ADGRF3: variants seen among roughly 807,000 people sequenced by gnomAD.
ADGRF3 encodes adhesion G protein-coupled receptor F3.
A neutral mutation model predicts 93.2 loss-of-function variants in ADGRF3; 85 were observed. The ratio of observed to expected loss-of-function variants is 0.91; its 90% CI spans 0.77 to 1.09. The LOEUF (loss-of-function observed/expected upper bound fraction) is 1.09, where lower values mean the gene tolerates loss of function less well. Among genes scored for constraint, ADGRF3 ranks in the 50% least tolerant of loss-of-function variants. ADGRF3 has a pLI of 0.00. For synonymous variants in ADGRF3, 534 were observed against 532.5 expected, an observed-to-expected ratio of 1.00 and a Z score of -0.04; for missense variants, 1,125 against 1,246.2, an observed-to-expected ratio of 0.90 and a Z score of 1.46.
At chr2:26,322,241 C>T (rs1485721019) in intron 1 of ADGRF3, among the ~76,000 whole-genome samples, 1 of 149,372 alleles carries the variant, frequency 6.7e-6, no homozygotes, top group Non-Finnish European at 1.5e-5. Flanking sequence ...GAGATCACTG[C>T]CACTGCACTC....
chr2:26,308,352 C>T lies in ADGRF3; in HGVS notation c.*734G>A, dbSNP rs2147853101. 6.6e-6 allele frequency: 1 copy of T among 152,108 alleles called. No individual in the cohort carries two copies. Among genetic ancestry groups the T allele is most frequent in the Admixed American group, 6.5e-5 (1 of 15,278 alleles). The allele number at this position is 152,108 out of a possible 1,614,324, so 9.4% of individuals were successfully genotyped here. A position where few individuals can be genotyped will look rare whatever the true frequency, so the allele number is the denominator to read the frequency against. On this transcript the variant is annotated 3_prime_UTR_variant, in exon 14 of 14. Coordinates refer to ENST00000651242, the MANE Select transcript of ADGRF3 (RefSeq NM_001321971.2). Reference sequence around the variant, plus strand: ...TGTGAATTCCATAAGTTAATTCAGCCAGATAGATATCTTGGTGTCTTCAAA... The same window carrying T: ...TGTGAATTCCATAAGTTAATTCAGCTAGATAGATATCTTGGTGTCTTCAAA...
chr2:26,339,740 T>C (rs921535901), intron 1 of ADGRF3, among the ~76,000 whole-genome samples: 3 of 152,086 alleles, frequency 2.0e-5, no homozygotes, highest in African/African-American at 7.2e-5. Flanking sequence ...CGGGGGCTAA[T>C]CTTGAGATAG....
At chr2:26,345,963 T>C in intron 1 of ADGRF3, 158 bp downstream of exon 1, 1 of 675,192 alleles carries the variant, frequency 1.5e-6, no homozygotes, top group South Asian at 1.9e-5. Flanking sequence ...TCCACGCCGA[T>C]TGGACAACAG....
At chr2:26,310,648 C>A in intron 10 of ADGRF3, 44 bp downstream of exon 10, 1 of 1,561,668 alleles carries the variant, frequency 6.4e-7, no homozygotes, top group South Asian at 1.2e-5. Flanking sequence ...GTGACTTAGA[C>A]CATCTAAAAA....
At chr2:26,318,772 C>A in intron 1 of ADGRF3, 1 of 871,018 alleles carries the variant, frequency 1.1e-6, no homozygotes, top group Non-Finnish European at 1.8e-6. Flanking sequence ...AGCTATCCCC[C>A]ACACCCAGGA....
In ADGRF3 at chr2:26,311,399, C is replaced by T. The variant is rs749831820; in HGVS notation, c.2125G>A (p.Gly709Ser). 1 of 1,614,042 alleles carries T rather than the reference C, an allele frequency of 6.2e-7. No homozygotes were observed. The highest frequency in any genetic ancestry group is 1.1e-5 in the South Asian group (1 of 91,080). The change falls in exon 10 of 14, where the codon GGC (glycine) becomes AGC (serine). Residue 709 changes from glycine to serine, a missense_variant. Coordinates refer to ENST00000651242, the MANE Select transcript of ADGRF3 (RefSeq NM_001321971.2). ...EPALALLTQV[G>S]LGASILALLV... ...AGCGCCAGTATGGAAGCTCCCAAGC[C>T]CACTTGAGTCAGCAGCGCCAGAGCG... is the stretch of plus-strand genomic sequence containing the variant.
chr2:26,325,558 C>T (rs1675393928), intron 1 of ADGRF3, among the ~76,000 whole-genome samples: 1 of 152,160 alleles, frequency 6.6e-6, no homozygotes, highest in South Asian at 2.1e-4. Context: ...AAGAGCACAA[C>T]TTAGAGAAGC....
At chr2:26,337,063 T>A (rs1676097346) in intron 1 of ADGRF3, among the ~76,000 whole-genome samples, 1 of 152,226 alleles carries the variant, frequency 6.6e-6, no homozygotes. Context: ...TGCAAGTCTT[T>A]TCATGAAGCC....
chr2:26,310,591 A>C (rs1338277599), intron 10 of ADGRF3, 101 bp downstream of exon 10: 3 of 1,265,068 alleles, frequency 2.4e-6, no homozygotes, highest in Admixed American at 5.0e-5. Flanking sequence ...TCCTGAACCT[A>C]TGTTTCTTCT....
At chr2:26,328,699 G>A (rs1247547949) in intron 1 of ADGRF3, among the ~76,000 whole-genome samples, 1 of 152,136 alleles carries the variant, frequency 6.6e-6, no homozygotes, top group Non-Finnish European at 1.5e-5. Context: ...TGATCCGCCC[G>A]CCTCAGCCTC....
At chr2:26,322,657 C>T (rs1286492527) in intron 1 of ADGRF3, among the ~76,000 whole-genome samples, 2 of 152,124 alleles carry the variant, frequency 1.3e-5, no homozygotes, top group Non-Finnish European at 2.9e-5. Context: ...TCAGTACCCC[C>T]CAGTGCCTAG....
chr2:26,315,692 G>A lies in ADGRF3; in HGVS notation c.548C>T (p.Thr183Met), dbSNP rs746534491. ...GCTCAGATGGAGAGTCAGGCTCAGCGTGTCACCAGGCATCTGCAGCTGGGA... is the reference window on the plus strand; with the variant it reads ...GCTCAGATGGAGAGTCAGGCTCAGCATGTCACCAGGCATCTGCAGCTGGGA... ...LNSQLQMPGD[T>M]LSLTLHLSQE... The change falls in exon 5 of 14, where the codon ACG becomes ATG. Residue 183 changes from threonine (T) to methionine (M), a missense_variant. Thr to Met is a moderately conservative substitution (Grantham distance 81, BLOSUM62 -1). Coordinates refer to ENST00000651242, the MANE Select transcript of ADGRF3 (RefSeq NM_001321971.2). 19 of 1,551,438 alleles carry A rather than the reference G, an allele frequency of 1.2e-5. No homozygotes were observed. Among genetic ancestry groups the A allele is most frequent in the African/African-American group, 1.1e-4 (8 of 73,008 alleles).
In ADGRF3 at chr2:26,316,307, G is replaced by C; in HGVS notation, c.467C>G (p.Pro156Arg). 1.9e-6 allele frequency: 3 copies of C among 1,551,824 alleles called. No individual in the cohort carries two copies. Among genetic ancestry groups the C allele is most frequent in the Non-Finnish European group, 2.6e-6 (3 of 1,146,986 alleles). ...QPCGCLVFSH[P>R]EPGYCQLLPP... ...CAGCAACTGGCAGTACCCGGGTTCG[G>C]GATGGCTGAAGACAAGGCAGCCACA... The change falls in exon 4 of 14, where the codon CCC becomes CGC. Residue 156 changes from proline (P) to arginine (R), a missense_variant. Coordinates refer to ENST00000651242, the MANE Select transcript of ADGRF3 (RefSeq NM_001321971.2).
In ADGRF3 at chr2:26,312,010, T is replaced by G; in HGVS notation, c.1514A>C (p.Gln505Pro). The G allele has an allele frequency of 6.2e-7, 1 of 1,613,142 alleles. No individual in the cohort carries two copies. Residue 505 changes from glutamine (Q) to proline (P), a missense_variant, in exon 10 of 14, where the codon CAA (glutamine) becomes CCA (proline). Gln to Pro is a moderately conservative substitution (Grantham distance 76). Coordinates refer to ENST00000651242, the MANE Select transcript of ADGRF3 (RefSeq NM_001321971.2). Reference protein sequence around the residue: ...MDTRSLWTLAQARKPWAGSTL... With the variant: ...MDTRSLWTLAPARKPWAGSTL... ...CGAGCCTGCCCAGGGCTTCCGGGCT[T>G]GGGCCAGGGTCCACAGAGACCTGGT...
chr2:26,308,214 C>T lies in ADGRF3; in HGVS notation c.*872G>A, dbSNP rs867730272. The T allele has an allele frequency of 4.6e-5, 7 of 151,970 alleles. No individual in the cohort carries two copies. Among genetic ancestry groups the T allele is most frequent in the African/African-American group, 1.7e-4 (7 of 41,398 alleles). 9.4% of individuals were successfully genotyped at this position (151,970 alleles called of 1,614,324 possible). ...TTTTTATTTTAACAGAAAATGCCCC[C>T]GTCCCATTTTATAAAAAATATCCAT... On this transcript the variant is annotated 3_prime_UTR_variant, in exon 14 of 14. Transcript: ENST00000651242.
chr2:26,309,753 T>C (rs1412479013), intron 12 of ADGRF3, among the ~76,000 whole-genome samples, 172 bp from the exon 13 acceptor site: 1 of 152,148 alleles, frequency 6.6e-6, no homozygotes, highest in African/African-American at 2.4e-5. Context: ...ATCCCACACT[T>C]TTCCTTCAAA....
At chr2:26,344,035 A>T (rs1195513679) in intron 1 of ADGRF3, among the ~76,000 whole-genome samples, 1 of 152,170 alleles carries the variant, frequency 6.6e-6, no homozygotes. Context: ...GAGTTTGCTT[A>T]TATCTGAACT....
rs1416887592 is a variant in ADGRF3, at chr2:26,311,059, C to T, written c.2465G>A (p.Gly822Asp). The change falls in exon 10 of 14, where the codon GGC becomes GAC. Residue 822 changes from glycine to aspartate, a missense_variant. By Grantham distance (94) the Gly-to-Asp change is moderately conservative. Transcript: ENST00000651242. ...TGCCAACCCCAGTGGGCACAGGTAG[C>T]CCAGGAGCACCATGAGGGGGAGAAC... ...HRVLPLMVLLGYLCPLGLAGV... is the reference protein window; with the variant it reads ...HRVLPLMVLLDYLCPLGLAGV... 6.2e-7 allele frequency: 1 copy of T among 1,608,594 alleles called. No individual in the cohort carries two copies. The highest frequency in any genetic ancestry group is 8.5e-7 in the Non-Finnish European group (1 of 1,177,604).
chr2:26,319,027 A>C, intron 1 of ADGRF3: 1 of 1,551,504 alleles, frequency 6.4e-7, no homozygotes, highest in Non-Finnish European at 8.7e-7. Flanking sequence ...CAGGAGCAGC[A>C]GTGGGGCAGC....
Sources: gnomAD v4.1 joint callset for allele counts (sites outside exome capture counted in the v4.1 genomes callset) on GRCh38, gnomAD v4.1.1 for gene constraint, MANE v1.5 for transcripts, NCBI Gene and HGNC (gene_info 2026-07-23, HGNC 2026-07-21) for gene names.